Variants in ANLN observed in about 807,000 individuals in gnomAD.
ANLN encodes the protein anillin, actin binding protein, also known as anillin.
ANLN carries 59 observed loss-of-function variants against 135.1 expected under a neutral mutation model. That is an observed-to-expected ratio of 0.44 (90% confidence interval 0.35 to 0.54). The LOEUF (loss-of-function observed/expected upper bound fraction) is 0.54. ANLN is among the 20% of genes least tolerant of loss of function. The pLI, the probability that ANLN is intolerant of heterozygous loss-of-function variation, is 0.00. For synonymous variants in ANLN, 406 were observed against 456.4 expected (o/e 0.89, Z 1.41); for missense variants, 1,182 against 1,340.0 (o/e 0.88, Z 1.84).
chr7:36,426,157 A>G (rs959244996), intron 19 of ANLN, 121 bp downstream of exon 19: 15 of 744,982 alleles, frequency 2.0e-5, no homozygotes, highest in Non-Finnish European at 2.8e-5. Flanking sequence ...CTTTGGAATA[A>G]TATTTTCTAT....
At chr7:36,410,952 A>T in intron 6 of ANLN, 107 bp from the exon 7 acceptor site, 1 of 1,093,452 alleles carries the variant, frequency 9.1e-7, no homozygotes, top group Non-Finnish European at 1.3e-6. Context: ...AAAACTGTTT[A>T]AACTTTTTAA....
chr7:36,400,913 A>G (rs197365), intron 3 of ANLN, among the ~76,000 whole-genome samples: 36,443 of 152,082 alleles, frequency 0.24, 5,149 homozygotes, highest in South Asian at 0.36. Context: ...ATTGAGATCA[A>G]GTGATCTGAA....
chr7:36,445,052 C>T (rs1482922736), intron 22 of ANLN, among the ~76,000 whole-genome samples: 1 of 151,790 alleles, frequency 6.6e-6, no homozygotes, highest in Non-Finnish European at 1.5e-5. Flanking sequence ...ATAACTTCTA[C>T]CCTAAAATTG....
chr7:36,406,583 T>C lies in ANLN; in HGVS notation c.873+17T>C, dbSNP rs759035300. The stretch of plus-strand genomic sequence containing the variant: ...AGCTCTGTGGTAAGTCAGTATCATT[T>C]TGGTCTTTGGAAGCCTTTTCTTTTT... On this transcript the variant is annotated intron_variant, in intron 4 of 23. Coordinates refer to ENST00000265748, the MANE Select transcript of ANLN (RefSeq NM_018685.5). The C allele has an allele frequency of 6.8e-7, 1 of 1,477,572 alleles. No individual in the cohort carries two copies. Among genetic ancestry groups the C allele is most frequent in the South Asian group, 1.5e-5 (1 of 67,888 alleles). 91.5% of individuals were successfully genotyped at this position (1,477,572 alleles called of 1,614,324 possible).
At chr7:36,410,297 ATAAC>A (rs1787357704) in intron 5 of ANLN, among the ~76,000 whole-genome samples, 2 of 151,486 alleles carry the variant, frequency 1.3e-5, no homozygotes, top group African/African-American at 4.8e-5. Context: ...TTTTTTTTAA[ATAAC>A]TAAATTCTAT....
At chr7:36,434,367 C>A (rs1056372495) in intron 20 of ANLN, among the ~76,000 whole-genome samples, 10 of 152,108 alleles carry the variant, frequency 6.6e-5, no homozygotes, top group African/African-American at 2.4e-4. Flanking sequence ...AGCAAAATTC[C>A]TGTTGGGGAG....
At chr7:36,431,597 G>GTGTGTGTA (rs1306528982) in intron 20 of ANLN, among the ~76,000 whole-genome samples, 18 of 27,446 alleles carry the variant, frequency 6.6e-4, no homozygotes, top group South Asian at 1.8e-3. Context: ...GTGTGTGTGT[G>GTGTGTGTA]TATATATATA....
rs1476001698 is a variant in ANLN at position 36,419,370 on chromosome 7, T to G, written c.1760T>G (p.Met587Arg). Residue 587 changes from methionine (M) to arginine (R), a missense_variant, in exon 10 of 24, where the codon ATG becomes AGG. Transcript: ENST00000265748. ...ELDMEKSQEE[M>R]DQALAESSEE... ...GATATGGAGAAGAGCCAAGAGGAGA[T>G]GGATCAAGCATTAGCAGAAAGCAGC... The G allele has an allele frequency of 6.2e-7, 1 of 1,614,026 alleles. No homozygotes were observed. Among genetic ancestry groups the G allele is most frequent in the South Asian group, 1.1e-5 (1 of 91,074 alleles).
In ANLN at chr7:36,421,853, C is replaced by A. The variant is rs1274816960; in HGVS notation, c.2164-4C>A. 3 of 1,593,334 alleles carry A rather than the reference C, an allele frequency of 1.9e-6. No individual in the cohort carries two copies. In the East Asian group the frequency reaches 6.8e-5, roughly 36 times the overall value. Reference sequence around the variant, plus strand: ...ATTTTTTCTCCTCTCATTGGTTTTCCTAGGAACTCAATAACGAAATAAATA... The same window carrying A: ...ATTTTTTCTCCTCTCATTGGTTTTCATAGGAACTCAATAACGAAATAAATA... On this transcript the variant is annotated splice_polypyrimidine_tract_variant and splice_region_variant and intron_variant, in intron 12 of 23. Transcript: ENST00000265748.
intron 21 of ANLN, among the ~76,000 whole-genome samples, chr7:36,440,398 T>G (rs1466309643): frequency 1.3e-5 from 2 of 152,204 alleles, no homozygotes; most frequent in African/African-American, 2.4e-5. Flanking sequence ...GGGTGATCAT[T>G]CTGGCGCAGG....
chr7:36,419,380 A>G lies in ANLN; in HGVS notation c.1770A>G (p.Ala590=). The G allele has an allele frequency of 6.2e-7, 1 of 1,614,200 alleles. No homozygotes were observed. Among genetic ancestry groups the G allele is most frequent in the Non-Finnish European group, 8.5e-7 (1 of 1,180,022 alleles). Residue 590 remains alanine (A), a synonymous_variant, in exon 10 of 24, where the codon GCA becomes GCG. Transcript: ENST00000265748. ...AGAGCCAAGAGGAGATGGATCAAGC[A>G]TTAGCAGAAAGCAGCGAAGAACAGG... ...MEKSQEEMDQ[A]LAESSEEQED...
intron 20 of ANLN, among the ~76,000 whole-genome samples, chr7:36,431,561 T>TTGTG (rs1186662720): frequency 0.086 from 6,441 of 75,094 alleles, 487 homozygotes; most frequent in Non-Finnish European, 0.096. Context: ...ATGTGTGTGT[T>TTGTG]TGTGTGTGTG....
At chr7:36,398,454 G>A (rs1747723395) in intron 2 of ANLN, among the ~76,000 whole-genome samples, 1 of 152,034 alleles carries the variant, frequency 6.6e-6, no homozygotes, top group South Asian at 2.1e-4. Flanking sequence ...AATTTCTCTA[G>A]GCTTGATTTT....
rs1583620244 is a variant in ANLN, at chr7:36,417,284, G to C, written c.1633+94G>C. The C allele has an allele frequency of 9.9e-6, 7 of 708,508 alleles. No individual in the cohort carries two copies. In the East Asian group the frequency reaches 1.8e-4, roughly 18 times the overall value. The allele number at this position is 708,508 out of a possible 1,614,324, so 43.9% of individuals were successfully genotyped here. A position where few individuals can be genotyped will look rare whatever the true frequency, so the allele number is the denominator to read the frequency against. ...ACATATTCAAATTGAGAGTATCTCT[G>C]CTTTTTAAATTAAATCAGAATACAC... On this transcript the variant is annotated intron_variant, in intron 9 of 23. Transcript: ENST00000265748.
chr7:36,426,062 AC>A (rs1490497588), intron 19 of ANLN, 26 bp downstream of exon 19: 1 of 1,449,124 alleles, frequency 6.9e-7, no homozygotes, highest in Non-Finnish European at 9.2e-7. Context: ...ACTATTTGAA[AC>A]TTTAGAATAA....
chr7:36,396,434 G>A lies in ANLN; in HGVS notation c.172+15G>A. On this transcript the variant is annotated intron_variant, in intron 2 of 23. Coordinates refer to ENST00000265748, the MANE Select transcript of ANLN (RefSeq NM_018685.5). ...TGGTGGTGAAGGTAAAAGACTTTGT[G>A]GGGAAAAATAACATTTACTTTTTTT... 6.6e-7 allele frequency: 1 copy of A among 1,525,026 alleles called. No homozygotes were observed. The highest frequency in any genetic ancestry group is 8.9e-7 in the Non-Finnish European group (1 of 1,128,892). The allele number at this position is 1,525,026 out of a possible 1,614,324, so 94.5% of individuals were successfully genotyped here. A position where few individuals can be genotyped will look rare whatever the true frequency, so the allele number is the denominator to read the frequency against.
rs1789299098 is a variant in ANLN at position 36,452,723 on chromosome 7, C to T, written c.*123C>T. ...ACGAAAGGGTTTGTGCCAATATTCA[C>T]TACGTATTATGCAGTATTTATATCT... On this transcript the variant is annotated 3_prime_UTR_variant, in exon 24 of 24. Transcript: ENST00000265748. The T allele has an allele frequency of 8.9e-7, 1 of 1,122,674 alleles. No individual in the cohort carries two copies. The highest frequency in any genetic ancestry group is 1.3e-6 in the Non-Finnish European group (1 of 779,004). The allele number at this position is 1,122,674 out of a possible 1,614,324, so 69.5% of individuals were successfully genotyped here. A position where few individuals can be genotyped will look rare whatever the true frequency, so the allele number is the denominator to read the frequency against.
chr7:36,435,388 G>T (rs150820600), intron 20 of ANLN, among the ~76,000 whole-genome samples: 37 of 151,380 alleles, frequency 2.4e-4, no homozygotes, highest in African/African-American at 2.9e-4. Flanking sequence ...GAGATGGTGG[G>T]GGGGGGGTCT....
intron 23 of ANLN, among the ~76,000 whole-genome samples, chr7:36,450,649 T>G (rs1789204712): frequency 6.6e-6 from 1 of 152,234 alleles, no homozygotes; most frequent in African/African-American, 2.4e-5. Context: ...TTTTGATGTC[T>G]AGATTACTTC....
Sources: gnomAD v4.1 joint callset for allele counts (sites outside exome capture counted in the v4.1 genomes callset) on GRCh38, gnomAD v4.1.1 for gene constraint, MANE v1.5 for transcripts, NCBI Gene and HGNC (gene_info 2026-07-23, HGNC 2026-07-21) for gene names.